The following PIGU variants were observed in gnomAD, a reference collection of about 807,000 sequenced individuals.
PIGU encodes phosphatidylinositol glycan anchor biosynthesis class U.
A neutral mutation model predicts 49.9 loss-of-function variants in PIGU; 24 were observed. The ratio of observed to expected loss-of-function variants is 0.48; its 90% CI spans 0.35 to 0.68. The LOEUF (loss-of-function observed/expected upper bound fraction) is 0.68, where lower values mean the gene tolerates loss of function less well. Ranked by LOEUF, PIGU falls within the 30% of genes least tolerant of loss-of-function variation. PIGU has a pLI of 0.01. For synonymous variants in PIGU, 220 were observed against 205.7 expected (o/e 1.07, Z -0.59); for missense variants, 490 against 532.6 (o/e 0.92, Z 0.79).
chr20:34,670,231 C>T (rs1156699911), intron 1 of PIGU, among the ~76,000 whole-genome samples: 6 of 150,896 alleles, frequency 4.0e-5, no homozygotes, highest in African/African-American at 1.5e-4. Context: ...GCTCTATTGC[C>T]CAGGCTGGAG....
chr20:34,573,128 T>G (rs1190256366), intron 11 of PIGU, among the ~76,000 whole-genome samples: 4 of 152,178 alleles, frequency 2.6e-5, no homozygotes, highest in Non-Finnish European at 5.9e-5. Flanking sequence ...TGGGATCACA[T>G]GCATGAGCCA....
At chr20:34,654,832 C>T (rs1326718546) in intron 2 of PIGU, among the ~76,000 whole-genome samples, 1 of 116,306 alleles carries the variant, frequency 8.6e-6, no homozygotes, top group Non-Finnish European at 1.8e-5. Flanking sequence ...TGGTGAAACC[C>T]CGTCTCCACT....
At chr20:34,657,945 C>CCTCACCCTCTCCCTCTCT (rs2146784161) in intron 1 of PIGU, among the ~76,000 whole-genome samples, 1 of 135,008 alleles carries the variant, frequency 7.4e-6, no homozygotes, top group Non-Finnish European at 1.7e-5. Context: ...TCTCCCTCTC[C>CCTCACCCTCTCCCTCTCT]CTCACCCTCT....
chr20:34,646,401 C>T (rs768131744), intron 2 of PIGU, among the ~76,000 whole-genome samples: 4 of 152,042 alleles, frequency 2.6e-5, no homozygotes, highest in South Asian at 4.1e-4. Context: ...CTGTATCACA[C>T]GAGTTTTGAT....
intron 1 of PIGU, among the ~76,000 whole-genome samples, chr20:34,660,702 C>A (rs1162475347): frequency 6.6e-6 from 1 of 152,126 alleles, no homozygotes; most frequent in East Asian, 1.9e-4. Flanking sequence ...AGCCTATGTA[C>A]AACTACTAGG....
At chr20:34,589,141 A>T (rs1983838123) in intron 7 of PIGU, among the ~76,000 whole-genome samples, 1 of 134,418 alleles carries the variant, frequency 7.4e-6, no homozygotes, top group African/African-American at 2.9e-5. Context: ...ACACACACAC[A>T]CACACACATC....
At chr20:34,639,198 G>A (rs1327534766) in intron 4 of PIGU, among the ~76,000 whole-genome samples, 3 of 151,956 alleles carry the variant, frequency 2.0e-5, no homozygotes. Context: ...TCAGGAGATC[G>A]AGACCATCCT....
At chr20:34,659,273 G>A (rs1600667862) in intron 1 of PIGU, among the ~76,000 whole-genome samples, 5 of 107,422 alleles carry the variant, frequency 4.7e-5, no homozygotes, top group East Asian at 2.8e-4. Flanking sequence ...CCCCCCGCCC[G>A]GCCAGCCACC....
chr20:34,616,133 G>C lies in PIGU; in HGVS notation c.536C>G (p.Ala179Gly), dbSNP rs770439056. 6.2e-7 allele frequency: 1 copy of C among 1,612,306 alleles called. No individual in the cohort carries two copies. ...FFILTTIKGS[A>G]FLSAIFLALA... is the part of the protein sequence containing the mutation. ...GGCAAGAAAAATAGCACTGAGGAAA[G>C]CACTGCCTGTAAAAAGAAAGAAATG... Residue 179 changes from alanine (A) to glycine (G), a missense_variant, in exon 7 of 12, where the codon GCT (alanine) becomes GGT (glycine). By Grantham distance (60) the Ala-to-Gly change is moderately conservative. Transcript: ENST00000217446.
chr20:34,641,898 T>C (rs1341308298), intron 4 of PIGU, among the ~76,000 whole-genome samples: 2 of 152,226 alleles, frequency 1.3e-5, no homozygotes, highest in East Asian at 3.8e-4. Context: ...AATGTTCTAA[T>C]AGTCTGAACT....
chr20:34,632,377 T>A (rs1033129444), intron 6 of PIGU, among the ~76,000 whole-genome samples: 2 of 151,974 alleles, frequency 1.3e-5, no homozygotes, highest in Non-Finnish European at 2.9e-5. Flanking sequence ...ATACCCTTTT[T>A]TTTTTTTTTG....
At chr20:34,660,560 G>C (rs948124858) in intron 1 of PIGU, among the ~76,000 whole-genome samples, 1 of 152,148 alleles carries the variant, frequency 6.6e-6, no homozygotes, top group Non-Finnish European at 1.5e-5. Flanking sequence ...ACTCCAGCCT[G>C]GGCAACAGAG....
chr20:34,596,421 T>G (rs1028814813), intron 7 of PIGU, among the ~76,000 whole-genome samples: 1 of 152,230 alleles, frequency 6.6e-6, no homozygotes, highest in Non-Finnish European at 1.5e-5. Context: ...GTCTGTCGTT[T>G]AGTTAATAAT....
At chr20:34,642,303 A>G (rs1986187905) in intron 4 of PIGU, among the ~76,000 whole-genome samples, 1 of 152,042 alleles carries the variant, frequency 6.6e-6, no homozygotes, top group Non-Finnish European at 1.5e-5. Context: ...TTGACCTCCC[A>G]TGCTCAAGCC....
At chr20:34,570,491 T>G (rs978054569) in intron 11 of PIGU, among the ~76,000 whole-genome samples, 1 of 151,966 alleles carries the variant, frequency 6.6e-6, no homozygotes, top group Non-Finnish European at 1.5e-5. Context: ...CTTGGCTCAC[T>G]GCAGCCTCCA....
At position 34,588,526 on chromosome 20, in the gene PIGU, G is replaced by A; in HGVS notation, c.709C>T (p.Leu237=). The A allele has an allele frequency of 6.2e-7, 1 of 1,613,728 alleles. No homozygotes were observed. Among genetic ancestry groups the A allele is most frequent in the Non-Finnish European group, 8.5e-7 (1 of 1,179,622 alleles). Residue 237 remains leucine, a synonymous_variant, in exon 8 of 12, where the codon CTA becomes TTA. Coordinates refer to ENST00000217446, the MANE Select transcript of PIGU (RefSeq NM_080476.5). ...WEYAMMYVGS[L]VVIICLSFFL... is the part of the protein sequence containing the mutation. ...AAGGAGAGGCAAATGATTACCACTA[G>A]GCTTCCCACATACATCATGGCATAC...
chr20:34,622,531 C>CA (rs201784721), intron 6 of PIGU, among the ~76,000 whole-genome samples: 2 of 150,852 alleles, frequency 1.3e-5, no homozygotes, highest in Non-Finnish European at 3.0e-5. Flanking sequence ...AAAACAAAAA[C>CA]AAAAAAAAAG....
At chr20:34,648,629 G>A (rs1986430404) in intron 2 of PIGU, among the ~76,000 whole-genome samples, 1 of 151,576 alleles carries the variant, frequency 6.6e-6, no homozygotes, top group Non-Finnish European at 1.5e-5. Context: ...ACTCACTGAA[G>A]CCTTGACCTC....
At chr20:34,650,527 C>A (rs1986499677) in intron 2 of PIGU, among the ~76,000 whole-genome samples, 1 of 151,972 alleles carries the variant, frequency 6.6e-6, no homozygotes, top group South Asian at 2.1e-4. Context: ...TCTTGGCCTT[C>A]CAAAGTGCTG....
Sources: gnomAD v4.1 joint callset for allele counts (sites outside exome capture counted in the v4.1 genomes callset) on GRCh38, gnomAD v4.1.1 for gene constraint, MANE v1.5 for transcripts, NCBI Gene and HGNC (gene_info 2026-07-23, HGNC 2026-07-21) for gene names.